Variants in CSMD1 observed in about 807,000 individuals in gnomAD.
CSMD1 encodes the protein CUB and Sushi multiple domains 1.
CSMD1 carries 213 observed loss-of-function variants against 417.5 expected under a neutral mutation model. The ratio of observed to expected loss-of-function variants is 0.51; its 90% CI spans 0.46 to 0.57. CSMD1 has a LOEUF of 0.57. Ranked by LOEUF, CSMD1 falls within the 20% of genes least tolerant of loss-of-function variation. CSMD1 has a pLI of 0.00. For missense variants in CSMD1, 6,923 were observed against 4,529.7 expected (o/e 1.53, Z -15.17); for synonymous variants, 2,862 against 1,736.8 (o/e 1.65, Z -16.11).
chr8:3,487,594 G>A (rs117347829), intron 11 of CSMD1, among the ~76,000 whole-genome samples: 193 of 152,220 alleles, frequency 1.3e-3, no homozygotes, highest in Middle Eastern at 3.4e-3. Flanking sequence ...CCAAAGTATC[G>A]GGTAAATTTG....
chr8:4,682,854 G>C (rs929112895), intron 1 of CSMD1, among the ~76,000 whole-genome samples: 2 of 150,052 alleles, frequency 1.3e-5, no homozygotes, highest in Non-Finnish European at 3.0e-5. Flanking sequence ...TTTATCCAAA[G>C]ACTACTAAAT....
At chr8:3,734,813 C>T (rs916452168) in intron 6 of CSMD1, among the ~76,000 whole-genome samples, 6 of 152,186 alleles carry the variant, frequency 3.9e-5, no homozygotes, top group African/African-American at 9.6e-5. Flanking sequence ...GGCCCCGTGA[C>T]GGGGATACCT....
chr8:4,988,706 T>G (rs1439237585), intron 1 of CSMD1, among the ~76,000 whole-genome samples: 4 of 152,236 alleles, frequency 2.6e-5, no homozygotes, highest in Non-Finnish European at 5.9e-5. Flanking sequence ...CCTAAAGCAC[T>G]GATGGCATTT....
intron 26 of CSMD1, among the ~76,000 whole-genome samples, chr8:3,240,981 G>T (rs1464646549): frequency 1.3e-5 from 2 of 151,450 alleles, no homozygotes; most frequent in Non-Finnish European, 2.9e-5. Context: ...CAGGGTAAGG[G>T]TGATTAGTTT....
intron 2 of CSMD1, among the ~76,000 whole-genome samples, chr8:4,477,178 T>A (rs145857273): frequency 2.0e-4 from 31 of 152,308 alleles, no homozygotes; most frequent in African/African-American, 7.5e-4. Flanking sequence ...ACTGTCTTCC[T>A]GCGCAGACAC....
intron 5 of CSMD1, among the ~76,000 whole-genome samples, chr8:3,784,603 T>C (rs1799347180): frequency 6.6e-6 from 1 of 152,214 alleles, no homozygotes; most frequent in African/African-American, 2.4e-5. Flanking sequence ...AATATATGCT[T>C]TAGCAAAGAA....
intron 7 of CSMD1, among the ~76,000 whole-genome samples, chr8:3,631,400 A>C (rs1449403888): frequency 6.6e-6 from 1 of 152,244 alleles, no homozygotes; most frequent in Non-Finnish European, 1.5e-5. Flanking sequence ...GGAGTAGCAA[A>C]GAAGCCAGCC....
intron 12 of CSMD1, among the ~76,000 whole-genome samples, chr8:3,422,955 T>TA (rs1299106352): frequency 6.6e-6 from 1 of 152,162 alleles, no homozygotes; most frequent in African/African-American, 2.4e-5. Context: ...TTTGTTAAGC[T>TA]CTTTATTAAG....
rs560825533 is a variant in CSMD1, at chr8:4,860,873, C to A, written c.85+133459G>T. 1.0e-3 allele frequency among the ~76,000 whole-genome samples: 158 copies of A among 152,228 alleles called. 1 individual carries two copies. Among genetic ancestry groups the A allele is most frequent in the Non-Finnish European group, 1.9e-3 (128 of 68,034 alleles). On this transcript the variant is annotated intron_variant, in intron 1 of 69. Transcript: ENST00000635120. ...CGTAAAAACGTTCACATCCCTGCTTCTCCTGCTAGAGAAACCTTCCTCTGA... is the reference window on the plus strand; with the variant it reads ...CGTAAAAACGTTCACATCCCTGCTTATCCTGCTAGAGAAACCTTCCTCTGA...
intron 12 of CSMD1, among the ~76,000 whole-genome samples, chr8:3,422,322 G>A (rs1053909762): frequency 3.9e-5 from 6 of 152,102 alleles, no homozygotes; most frequent in African/African-American, 1.4e-4. Context: ...GGTTTGTTGA[G>A]GGAGTTGGAA....
intron 5 of CSMD1, among the ~76,000 whole-genome samples, chr8:3,822,582 T>C (rs969342672): frequency 6.6e-6 from 1 of 152,178 alleles, no homozygotes; most frequent in East Asian, 1.9e-4. Context: ...CATGGGTTTA[T>C]TGGTAACTTT....
At chr8:4,869,832 T>C (rs916974345) in intron 1 of CSMD1, among the ~76,000 whole-genome samples, 3 of 152,076 alleles carry the variant, frequency 2.0e-5, no homozygotes, top group African/African-American at 4.8e-5. Flanking sequence ...GTCTTTAATT[T>C]ATCATATATT....
At chr8:3,369,394 T>C in intron 18 of CSMD1, 24 bp from the exon 19 acceptor site, 5 of 1,172,696 alleles carry the variant, frequency 4.3e-6, no homozygotes, top group Non-Finnish European at 6.3e-6. Context: ...AGAGAGATGA[T>C]TACAGCACTA....
chr8:3,975,645 A>C (rs541655806), intron 5 of CSMD1, among the ~76,000 whole-genome samples: 1 of 152,310 alleles, frequency 6.6e-6, no homozygotes, highest in African/African-American at 2.4e-5. Flanking sequence ...GGTGCCCAGC[A>C]GTGCTTAATG....
At chr8:4,175,657 T>G (rs1049034733) in intron 3 of CSMD1, among the ~76,000 whole-genome samples, 1 of 152,134 alleles carries the variant, frequency 6.6e-6, no homozygotes, top group African/African-American at 2.4e-5. Flanking sequence ...GTCAGAACTA[T>G]CTAAAGGTAA....
At chr8:4,114,002 T>G (rs1801999890) in intron 3 of CSMD1, among the ~76,000 whole-genome samples, 1 of 152,224 alleles carries the variant, frequency 6.6e-6, no homozygotes, top group African/African-American at 2.4e-5. Context: ...ATGTAGAAGC[T>G]GCAGCACGTT....
intron 11 of CSMD1, 50 bp downstream of exon 11, chr8:3,493,573 T>G (rs111973194): frequency 2.0e-6 from 3 of 1,463,996 alleles, no homozygotes; most frequent in Non-Finnish European, 2.8e-6. Flanking sequence ...CCACCCACCG[T>G]GCCCCGCACT....
intron 5 of CSMD1, among the ~76,000 whole-genome samples, chr8:3,903,865 T>C (rs936225915): frequency 1.3e-5 from 2 of 151,552 alleles, no homozygotes; most frequent in South Asian, 2.1e-4. Flanking sequence ...TAGGGAGTCA[T>C]TGCCATATAT....
chr8:3,973,829 A>G (rs922989970), intron 5 of CSMD1, among the ~76,000 whole-genome samples: 1 of 152,262 alleles, frequency 6.6e-6, no homozygotes, highest in Non-Finnish European at 1.5e-5. Context: ...TGTGTTTAAT[A>G]TGTAGTTGCT....
Sources: allele counts gnomAD v4.1 joint callset (sites outside exome capture counted in the v4.1 genomes callset), GRCh38; gene constraint gnomAD v4.1.1; transcripts MANE v1.5; gene names NCBI Gene and HGNC (gene_info 2026-07-23, HGNC 2026-07-21).